PUDP: variants seen among roughly 807,000 people sequenced by gnomAD.
PUDP encodes the protein pseudouridine-5'-phosphatase.
In PUDP, 8 loss-of-function variants were observed where a neutral mutation model predicts 9.4. The observed-to-expected ratio is 0.85, with a 90% CI of 0.50 to 1.53. PUDP has a LOEUF of 1.53. Ranked by LOEUF, PUDP falls within the 40% of genes most tolerant of loss-of-function variation. The pLI, the probability that PUDP is intolerant of heterozygous loss-of-function variation, is 0.00. For missense variants in PUDP, 188 were observed against 189.7 expected, an observed-to-expected ratio of 0.99 and a Z score of 0.05; for synonymous variants, 99 against 80.7, an observed-to-expected ratio of 1.23 and a Z score of -1.22.
intron 3 of PUDP, among the ~76,000 whole-genome samples, chrX:6,969,802 A>T (rs1401573603): frequency 8.9e-6 from 1 of 112,123 alleles, no homozygotes; most frequent in Non-Finnish European, 1.9e-5. Flanking sequence ...GGACTCTTTG[A>T]GCCCAGGAGT....
At chrX:7,111,114 C>A (rs943027665) in intron 1 of PUDP, among the ~76,000 whole-genome samples, 20 of 111,110 alleles carry the variant, frequency 1.8e-4, no homozygotes, top group Non-Finnish European at 3.4e-4. Context: ...TAAGTGTTTG[C>A]AAGTGCCTCC....
intron 3 of PUDP, among the ~76,000 whole-genome samples, chrX:6,886,953 G>A (rs1927432017): frequency 9.3e-6 from 1 of 107,709 alleles, no homozygotes; most frequent in South Asian, 3.9e-4. Context: ...AAGTGGCAAA[G>A]GATAGTCAAA....
chrX:6,934,681 G>C (rs1928265654), intron 3 of PUDP, among the ~76,000 whole-genome samples: 1 of 98,620 alleles, frequency 1.0e-5, no homozygotes, highest in African/African-American at 3.7e-5. Context: ...AAAAGACACA[G>C]ACTGGCAAAT....
intron 3 of PUDP, among the ~76,000 whole-genome samples, chrX:6,836,748 T>TC (rs112918412): frequency 0.1 from 11,308 of 111,725 alleles, 576 homozygotes; most frequent in African/African-American, 0.19. Flanking sequence ...ATTACAAAGT[T>TC]CCTTTTGTCG....
intron 2 of PUDP, among the ~76,000 whole-genome samples, chrX:7,094,450 G>C (rs750584060): frequency 5.6e-4 from 61 of 108,212 alleles, no homozygotes; most frequent in Admixed American, 5.5e-3. Flanking sequence ...TCCGCCCCGC[G>C]GGTTCACGCC....
intron 3 of PUDP, among the ~76,000 whole-genome samples, chrX:6,812,588 T>C (rs746809891): frequency 8.9e-6 from 1 of 111,797 alleles, no homozygotes; most frequent in Admixed American, 9.5e-5. Flanking sequence ...TGTGATATTT[T>C]ATGTATGAGA....
intron 1 of PUDP, among the ~76,000 whole-genome samples, chrX:7,125,643 C>T (rs2067290288): frequency 8.9e-6 from 1 of 111,782 alleles, no homozygotes; most frequent in African/African-American, 3.3e-5. Context: ...AAAGACATAC[C>T]TGAGAATGGG....
At chrX:6,730,967 A>G (rs1024596311) in intron 3 of PUDP, among the ~76,000 whole-genome samples, 8 of 112,460 alleles carry the variant, frequency 7.1e-5, no homozygotes, top group African/African-American at 9.7e-5. Context: ...ACATCAATAT[A>G]TCAGGGTACC....
intron 1 of PUDP, among the ~76,000 whole-genome samples, chrX:7,133,079 A>G (rs1191634116): frequency 4.5e-5 from 5 of 112,252 alleles, no homozygotes; most frequent in Non-Finnish European, 9.4e-5. Context: ...AGACTGGAAG[A>G]TAACTCCCAG....
At chrX:6,769,092 G>A (rs963876276) in intron 3 of PUDP, among the ~76,000 whole-genome samples, 2 of 112,016 alleles carry the variant, frequency 1.8e-5, no homozygotes, top group African/African-American at 3.2e-5. Flanking sequence ...CTTGAACACA[G>A]TGTGTAAATA....
intron 3 of PUDP, among the ~76,000 whole-genome samples, chrX:6,813,278 T>C (rs1926174279): frequency 9.0e-6 from 1 of 110,836 alleles, no homozygotes; most frequent in Non-Finnish European, 1.9e-5. Context: ...TAAATACAAA[T>C]AAACATAAAC....
chrX:6,902,644 G>T (rs978198014), intron 3 of PUDP, among the ~76,000 whole-genome samples: 7 of 112,020 alleles, frequency 6.2e-5, no homozygotes, highest in Admixed American at 1.9e-4. Flanking sequence ...GAGAAGGCAA[G>T]GAGATGTGGG....
chrX:6,932,969 G>C (rs1471571218), intron 3 of PUDP, among the ~76,000 whole-genome samples: 1 of 110,247 alleles, frequency 9.1e-6, no homozygotes, highest in African/African-American at 3.3e-5. Flanking sequence ...CAGCCGGGAA[G>C]CTCGAACTGG....
intron 3 of PUDP, among the ~76,000 whole-genome samples, chrX:6,931,272 G>A (rs1928186914): frequency 8.9e-6 from 1 of 111,965 alleles, no homozygotes; most frequent in South Asian, 3.7e-4. Context: ...ATGGATGGTG[G>A]TCTTGGTCAC....
At chrX:7,108,253 G>T (rs1931942490) in intron 1 of PUDP, among the ~76,000 whole-genome samples, 1 of 112,488 alleles carries the variant, frequency 8.9e-6, no homozygotes, top group South Asian at 3.7e-4. Context: ...CTCACTGACT[G>T]CTTTGGCTGC....
intron 1 of PUDP, among the ~76,000 whole-genome samples, chrX:6,994,946 A>T (rs1015922895): frequency 9.0e-6 from 1 of 111,032 alleles, no homozygotes. Context: ...TACTCTCATA[A>T]AAAGAAGGGA....
chrX:6,978,349 AAAAG>A (rs1452022045), intron 1 of PUDP, among the ~76,000 whole-genome samples: 2 of 88,710 alleles, frequency 2.3e-5, no homozygotes, highest in Admixed American at 1.2e-4. Context: ...TCTTTCTAAA[AAAAG>A]AGAGAGAGAG....
intron 3 of PUDP, among the ~76,000 whole-genome samples, chrX:6,824,587 A>G (rs1926396672): frequency 1.8e-5 from 2 of 111,666 alleles, no homozygotes; most frequent in African/African-American, 6.5e-5. Context: ...TGGTTGACCA[A>G]CGTAACCTGT....
At chrX:6,970,694 C>T (rs937908936) in intron 3 of PUDP, among the ~76,000 whole-genome samples, 1 of 111,673 alleles carries the variant, frequency 9.0e-6, no homozygotes, top group African/African-American at 3.3e-5. Flanking sequence ...TTAACTTAGC[C>T]AGCCAAGCTT....
Sources: gnomAD v4.1 joint callset for allele counts (sites outside exome capture counted in the v4.1 genomes callset) on GRCh38, gnomAD v4.1.1 for gene constraint, MANE v1.5 for transcripts, NCBI Gene and HGNC (gene_info 2026-07-23, HGNC 2026-07-21) for gene names.